Variants in TRPC4AP observed in about 807,000 individuals in gnomAD.
TRPC4AP encodes short transient receptor potential channel 4-associated protein.
Under a neutral mutation model 99.0 loss-of-function variants are expected in TRPC4AP, and 45 were observed. The ratio of observed to expected loss-of-function variants is 0.45; its 90% CI spans 0.36 to 0.58. TRPC4AP has a LOEUF of 0.58. TRPC4AP is among the 20% of genes least tolerant of loss of function. The pLI is 0.00. For missense variants in TRPC4AP, 879 were observed against 985.3 expected (o/e 0.89, Z 1.44); for synonymous variants, 408 against 385.8 (o/e 1.06, Z -0.67).
chr20:35,011,857 C>A (rs1470606553), intron 11 of TRPC4AP, among the ~76,000 whole-genome samples: 2 of 152,234 alleles, frequency 1.3e-5, no homozygotes, highest in African/African-American at 4.8e-5. Context: ...TGTCCTCTGG[C>A]CAGTCCTGGA....
At chr20:35,038,413 C>A (rs6087664) in intron 7 of TRPC4AP, among the ~76,000 whole-genome samples, 1 of 151,736 alleles carries the variant, frequency 6.6e-6, no homozygotes, top group Non-Finnish European at 1.5e-5. Flanking sequence ...CAACACTTAC[C>A]AATTTCCATT....
At chr20:35,026,593 A>C (rs1244098180) in intron 8 of TRPC4AP, among the ~76,000 whole-genome samples, 1 of 152,198 alleles carries the variant, frequency 6.6e-6, no homozygotes, top group Non-Finnish European at 1.5e-5. Context: ...CCATTTGTGC[A>C]AAGTAGTCAG....
At chr20:35,061,399 A>G (rs934538529) in intron 3 of TRPC4AP, among the ~76,000 whole-genome samples, 1 of 152,226 alleles carries the variant, frequency 6.6e-6, no homozygotes, top group Non-Finnish European at 1.5e-5. Flanking sequence ...TTAAGATGAT[A>G]ATACTCCCTA....
chr20:35,005,103 A>C (rs1220606344), intron 16 of TRPC4AP, among the ~76,000 whole-genome samples: 1 of 152,144 alleles, frequency 6.6e-6, no homozygotes, highest in African/African-American at 2.4e-5. Flanking sequence ...AGGTACCAAA[A>C]TCTGTGTGGC....
intron 5 of TRPC4AP, among the ~76,000 whole-genome samples, chr20:35,053,015 C>T (rs1468956884): frequency 1.3e-5 from 2 of 151,986 alleles, no homozygotes; most frequent in East Asian, 3.9e-4. Context: ...AACCATATCG[C>T]CCTATGTTCC....
intron 2 of TRPC4AP, among the ~76,000 whole-genome samples, chr20:35,070,968 C>A (rs1457814198): frequency 6.6e-6 from 1 of 152,164 alleles, no homozygotes; most frequent in Non-Finnish European, 1.5e-5. Flanking sequence ...CAAAGATATA[C>A]AAATATTAAT....
At chr20:35,012,944 A>C in intron 11 of TRPC4AP, 64 bp downstream of exon 11, 1 of 1,550,286 alleles carries the variant, frequency 6.5e-7, no homozygotes, top group Non-Finnish European at 8.9e-7. Context: ...GGACCAGACA[A>C]GGAGATCGAG....
chr20:35,013,192 T>G (rs1376910972), intron 10 of TRPC4AP, 126 bp from the exon 11 acceptor site: 18 of 817,884 alleles, frequency 2.2e-5, no homozygotes, highest in Non-Finnish European at 3.2e-5. Flanking sequence ...AGGACTTTTC[T>G]TTAGTTAGAA....
rs1007330988 is a variant in TRPC4AP at position 35,003,066 on chromosome 20, C to G, written c.*80G>C. On this transcript the variant is annotated 3_prime_UTR_variant, in exon 19 of 19. Transcript: ENST00000252015. ...GCAGGCAGAGAGCAGCAGGGAGGAA[C>G]GGGAACAGGGCAGGGCGTGTGGCAT... 1.9e-6 allele frequency: 3 copies of G among 1,568,042 alleles called. No individual in the cohort carries two copies. Among genetic ancestry groups the G allele is most frequent in the East Asian group, 2.2e-5 (1 of 44,472 alleles).
At chr20:35,009,992 T>A (rs1003653649) in intron 12 of TRPC4AP, among the ~76,000 whole-genome samples, 195 bp downstream of exon 12, 3 of 152,214 alleles carry the variant, frequency 2.0e-5, no homozygotes, top group African/African-American at 7.2e-5. Flanking sequence ...GCTCCCCTCC[T>A]AGGGCTGCTG....
chr20:35,023,128 C>T (rs940480494), intron 8 of TRPC4AP, among the ~76,000 whole-genome samples: 1 of 152,136 alleles, frequency 6.6e-6, no homozygotes, highest in African/African-American at 2.4e-5. Flanking sequence ...CGACAAGCTG[C>T]TGAATGAAGT....
At chr20:35,028,600 G>T (rs754622148) in intron 8 of TRPC4AP, among the ~76,000 whole-genome samples, 2 of 152,130 alleles carry the variant, frequency 1.3e-5, no homozygotes, top group Non-Finnish European at 2.9e-5. Context: ...CATATGGTCT[G>T]TCCTGGAGAA....
rs754314600 is a variant in TRPC4AP, at chr20:35,010,178, T to C, written c.1511+9A>G. ...TGGGCTGAGGGAAAAGCTGCACCCC[T>C]GCACTCACCTGTCGGTGTTGAGGAC... On this transcript the variant is annotated intron_variant, in intron 12 of 18. Coordinates refer to ENST00000252015, the MANE Select transcript of TRPC4AP (RefSeq NM_015638.3). 1.2e-6 allele frequency: 2 copies of C among 1,613,476 alleles called. No individual in the cohort carries two copies. The highest frequency in any genetic ancestry group is 2.2e-5 in the South Asian group (2 of 91,064).
At position 35,021,113 on chromosome 20, in the gene TRPC4AP, A is replaced by C. The variant is rs567252594; in HGVS notation, c.1218+77T>G. ...CGAGAGCCATTCTAACAGAAGGCCC[A>C]GTGGAGCACCTGGCATACCATGAGC... On this transcript the variant is annotated intron_variant, in intron 9 of 18. Coordinates refer to ENST00000252015, the MANE Select transcript of TRPC4AP (RefSeq NM_015638.3). The C allele has an allele frequency of 8.0e-6, 12 of 1,494,558 alleles. No individual in the cohort carries two copies. In the South Asian group the frequency reaches 1.5e-4, roughly 18 times the overall value. The allele number at this position is 1,494,558 out of a possible 1,614,324, so 92.6% of individuals were successfully genotyped here.
chr20:35,027,899 A>T (rs6088682), intron 8 of TRPC4AP, among the ~76,000 whole-genome samples: 11 of 151,926 alleles, frequency 7.2e-5, no homozygotes, highest in African/African-American at 2.4e-4. Context: ...TTTTTTGGTC[A>T]GTGTGGCTAA....
chr20:35,086,431 A>ATGTGTGTGTGTGTGTGTG (rs150231202), intron 1 of TRPC4AP, among the ~76,000 whole-genome samples: 3 of 109,528 alleles, frequency 2.7e-5, no homozygotes, highest in South Asian at 3.3e-4. Context: ...TGAATGGCAT[A>ATGTGTGTGTGTGTGTGTG]TGTGTGTGTG....
At chr20:35,024,854 A>AAAAAAACAAAACAT (rs1479270980) in intron 8 of TRPC4AP, among the ~76,000 whole-genome samples, 1 of 89,482 alleles carries the variant, frequency 1.1e-5, no homozygotes, top group East Asian at 4.4e-4. Context: ...AAAAAAAAAA[A>AAAAAAACAAAACAT]ATTCTGTTTA....
At chr20:35,059,790 A>AGAAGGC (rs1221314168) in intron 3 of TRPC4AP, among the ~76,000 whole-genome samples, 3 of 152,096 alleles carry the variant, frequency 2.0e-5, no homozygotes, top group Non-Finnish European at 4.4e-5. Flanking sequence ...AAGATGAAGA[A>AGAAGGC]GAAGGCGAAG....
chr20:35,057,332 C>A (rs551631180), intron 4 of TRPC4AP, among the ~76,000 whole-genome samples, 182 bp downstream of exon 4: 1 of 152,152 alleles, frequency 6.6e-6, no homozygotes, highest in Non-Finnish European at 1.5e-5. Context: ...TGAATTTCTA[C>A]GCAGTACAGA....
Sources: gnomAD v4.1 joint callset for allele counts (sites outside exome capture counted in the v4.1 genomes callset) on GRCh38, gnomAD v4.1.1 for gene constraint, MANE v1.5 for transcripts, NCBI Gene and HGNC (gene_info 2026-07-23, HGNC 2026-07-21) for gene names.